Variants in DDX60L observed in about 807,000 individuals in gnomAD.
DDX60L encodes DExD/H-box 60 like, also known as probable ATP-dependent RNA helicase DDX60-like.
DDX60L carries 191 observed loss-of-function variants against 211.6 expected under a neutral mutation model. The observed-to-expected ratio is 0.90, with a 90% CI of 0.80 to 1.02. DDX60L has a LOEUF of 1.02. DDX60L is among the 50% of genes least tolerant of loss of function. The pLI is 0.00. For missense variants in DDX60L, 2,007 were observed against 1,984.1 expected (o/e 1.01, Z -0.22); for synonymous variants, 706 against 694.1 (o/e 1.02, Z -0.27).
Position 168,415,417 on chromosome 4 carries a change from C to T in DDX60L, c.2970G>A (p.Thr990=), listed in dbSNP as rs762981621. 1.1e-5 allele frequency: 18 copies of T among 1,599,132 alleles called. No homozygotes were observed. Among genetic ancestry groups the T allele is most frequent in the South Asian group, 4.5e-5 (4 of 88,506 alleles). ...FDHFHPCAAL[T]TDIIEKYGFP... Reference sequence around the variant, plus strand: ...ACACTTTTATACTTACAATATCTGTCGTTAGCGCAGCACAGGGATGAAAAT... The same window carrying T: ...ACACTTTTATACTTACAATATCTGTTGTTAGCGCAGCACAGGGATGAAAAT... The change falls in exon 22 of 38, where the codon ACG becomes ACA. Residue 990 remains threonine, a synonymous_variant. Coordinates refer to ENST00000682922, the MANE Select transcript of DDX60L (RefSeq NM_001012967.3).
chr4:168,441,025 G>C (rs1387935680), intron 10 of DDX60L, among the ~76,000 whole-genome samples: 1 of 152,112 alleles, frequency 6.6e-6, no homozygotes, highest in Non-Finnish European at 1.5e-5. Flanking sequence ...AAAGAGATGA[G>C]AGGAGGGGGA....
chr4:168,479,861 G>A (rs1760168436), intron 1 of DDX60L, among the ~76,000 whole-genome samples: 1 of 151,524 alleles, frequency 6.6e-6, no homozygotes, highest in African/African-American at 2.4e-5. Flanking sequence ...GCGGGTGCCT[G>A]TAGTCCCAGC....
rs774924169 is a variant in DDX60L, at chr4:168,472,454, C to T, written c.74+1G>A. On this transcript the variant is annotated splice_donor_variant, in intron 3 of 37. Transcript: ENST00000682922. LOFTEE classifies it high-confidence loss of function. The stretch of plus-strand genomic sequence containing the variant: ...CTTCTTTTTTACTTCACAGTACTTA[C>T]CCAGCTTTTGGCATTTCATTCAAAA... 14 of 1,558,612 alleles carry T rather than the reference C, an allele frequency of 9.0e-6. No homozygotes were observed. The highest frequency in any genetic ancestry group is 1.2e-5 in the Non-Finnish European group (14 of 1,149,656).
chr4:168,378,334 G>A lies in DDX60L; in HGVS notation c.4485+20C>T. 7.8e-7 allele frequency: 1 copy of A among 1,284,038 alleles called. No individual in the cohort carries two copies. The highest frequency in any genetic ancestry group is 2.6e-5 in the East Asian group (1 of 39,208). 79.5% of individuals were successfully genotyped at this position (1,284,038 alleles called of 1,614,324 possible). ...TAATAACTATCATTATTATATCATTGTAAGTATAACAAACTTTACCTTTGA... is the reference window on the plus strand; with the variant it reads ...TAATAACTATCATTATTATATCATTATAAGTATAACAAACTTTACCTTTGA... On this transcript the variant is annotated intron_variant, in intron 33 of 37. Coordinates refer to ENST00000682922, the MANE Select transcript of DDX60L (RefSeq NM_001012967.3).
At chr4:168,382,342 C>G (rs62334100) in intron 30 of DDX60L, among the ~76,000 whole-genome samples, 15,088 of 152,130 alleles carry the variant, frequency 0.099, 1,095 homozygotes, top group Admixed American at 0.14. Context: ...AATAATAAAG[C>G]AGTTTCCTTT....
chr4:168,395,613 T>C (rs1227267898), intron 27 of DDX60L: 1 of 171,016 alleles, frequency 5.8e-6, no homozygotes, highest in African/African-American at 2.4e-5. Flanking sequence ...AATTGAAACT[T>C]TCAGTTGACA....
intron 13 of DDX60L, among the ~76,000 whole-genome samples, 196 bp downstream of exon 13, chr4:168,430,281 CT>C (rs1476268158): frequency 6.6e-6 from 1 of 152,162 alleles, no homozygotes; most frequent in Admixed American, 6.5e-5. Context: ...GCCTGCAGAA[CT>C]GTGAGCCAAT....
At chr4:168,360,214 C>T (rs901132099) in intron 37 of DDX60L, among the ~76,000 whole-genome samples, 1 of 152,172 alleles carries the variant, frequency 6.6e-6, no homozygotes, top group Non-Finnish European at 1.5e-5. Context: ...GTGCCTCTAA[C>T]ACAGTAAGAC....
At position 168,378,386 on chromosome 4, in the gene DDX60L, G is replaced by A; in HGVS notation, c.4453C>T (p.Gln1485Ter). 1 of 1,485,810 alleles carries A rather than the reference G, an allele frequency of 6.7e-7. No homozygotes were observed. 92.0% of individuals were successfully genotyped at this position (1,485,810 alleles called of 1,614,324 possible). A position where few individuals can be genotyped will look rare whatever the true frequency, so the allele number is the denominator to read the frequency against. ...TGAGAAAAACTTAAATTAGCATTTT[G>A]GAATTTTGCTGGAATATATTTTCTT... ...FGRKYIPAKF[Q>*]NANLSFSQSK... The change falls in exon 33 of 38, where the codon CAA (glutamine) becomes TAA (stop). Residue 1485 changes from glutamine (Q) to a stop codon, truncating the protein, a stop_gained. Coordinates refer to ENST00000682922, the MANE Select transcript of DDX60L (RefSeq NM_001012967.3). LOFTEE classifies it high-confidence loss of function.
At chr4:168,382,449 G>C (rs1184182897) in intron 30 of DDX60L, among the ~76,000 whole-genome samples, 1 of 151,962 alleles carries the variant, frequency 6.6e-6, no homozygotes, top group Non-Finnish European at 1.5e-5. Flanking sequence ...CTTTTCTATG[G>C]TTCCAAATAA....
chr4:168,427,785 G>GA (rs1262374315), intron 13 of DDX60L, among the ~76,000 whole-genome samples: 3 of 152,228 alleles, frequency 2.0e-5, no homozygotes, highest in South Asian at 2.1e-4. Flanking sequence ...TCAATGTGGG[G>GA]AAAAAAACAG....
intron 9 of DDX60L, among the ~76,000 whole-genome samples, chr4:168,446,799 A>C (rs1387754991): frequency 7.8e-6 from 1 of 127,684 alleles, no homozygotes; most frequent in Non-Finnish European, 1.6e-5. Context: ...CCTATTTAAT[A>C]AATGGTGCTG....
intron 4 of DDX60L, among the ~76,000 whole-genome samples, chr4:168,467,095 T>A (rs544446956): frequency 6.6e-6 from 1 of 152,268 alleles, no homozygotes; most frequent in South Asian, 2.1e-4. Flanking sequence ...AACTGCATAA[T>A]CTGAAAATGA....
intron 22 of DDX60L, among the ~76,000 whole-genome samples, chr4:168,407,777 C>G (rs545762962): frequency 6.6e-6 from 1 of 152,148 alleles, no homozygotes; most frequent in Non-Finnish European, 1.5e-5. Context: ...TGGACTGTAC[C>G]GCACAGCTGG....
intron 12 of DDX60L, among the ~76,000 whole-genome samples, chr4:168,431,565 G>T (rs2712122): frequency 4.8e-5 from 6 of 126,036 alleles, no homozygotes; most frequent in Admixed American, 9.5e-5. Flanking sequence ...GGTGGGGGGT[G>T]GGGGGAGGGA....
intron 17 of DDX60L, among the ~76,000 whole-genome samples, chr4:168,420,607 C>CACAT (rs1750387039): frequency 9.7e-6 from 1 of 102,704 alleles, no homozygotes; most frequent in African/African-American, 4.2e-5. Flanking sequence ...TAAACACACA[C>CACAT]ACACATACAC....
At chr4:168,455,487 G>T (rs1479276809) in intron 7 of DDX60L, among the ~76,000 whole-genome samples, 1 of 152,162 alleles carries the variant, frequency 6.6e-6, no homozygotes, top group Non-Finnish European at 1.5e-5. Context: ...ATCATTACAA[G>T]CTGTGGAGCC....
intron 29 of DDX60L, among the ~76,000 whole-genome samples, chr4:168,385,487 T>C (rs1203114692): frequency 6.6e-6 from 1 of 152,116 alleles, no homozygotes; most frequent in East Asian, 1.9e-4. Flanking sequence ...CTCTAGAAAA[T>C]TAACTAAACT....
At chr4:168,426,533 A>G (rs1244722896) in intron 14 of DDX60L, among the ~76,000 whole-genome samples, 2 of 152,234 alleles carry the variant, frequency 1.3e-5, no homozygotes, top group Non-Finnish European at 2.9e-5. Context: ...ACTGGACAGT[A>G]AACAAACTTG....
Sources: allele counts gnomAD v4.1 joint callset (sites outside exome capture counted in the v4.1 genomes callset), GRCh38; gene constraint gnomAD v4.1.1; transcripts MANE v1.5; gene names NCBI Gene and HGNC (gene_info 2026-07-23, HGNC 2026-07-21).